Variants in DPP6 observed in about 807,000 individuals in gnomAD.
DPP6 encodes dipeptidyl peptidase like 6, also known as A-type potassium channel modulatory protein DPP6.
A neutral mutation model predicts 122.6 loss-of-function variants in DPP6; 69 were observed. That is an observed-to-expected ratio of 0.56 (90% confidence interval 0.46 to 0.69). The LOEUF is 0.69. DPP6 is among the 30% of genes least tolerant of loss of function. The probability of loss-of-function intolerance (pLI) is 0.00; values close to 1 mark genes in which losing one functional copy is unlikely to be tolerated. For synonymous variants in DPP6, 418 were observed against 433.1 expected (o/e 0.97, Z 0.43); for missense variants, 928 against 1,116.9 (o/e 0.83, Z 2.41).
intron 1 of DPP6, among the ~76,000 whole-genome samples, chr7:154,373,799 C>T (rs192516878): frequency 6.6e-6 from 1 of 152,256 alleles, no homozygotes; most frequent in East Asian, 1.9e-4. Flanking sequence ...TCCCTCCTCC[C>T]GCAGCCCCTG....
chr7:153,859,668 C>T, the DPP6 span, among the ~76,000 whole-genome samples: 22 of 152,274 alleles, frequency 1.4e-4, 1 homozygote, highest in Admixed American at 1.0e-3. Flanking sequence ...TCCGTTCCTA[C>T]GCTGCTATGA....
the DPP6 span, among the ~76,000 whole-genome samples, chr7:153,812,739 C>T: frequency 6.6e-6 from 1 of 152,256 alleles, no homozygotes; most frequent in African/African-American, 2.4e-5. Flanking sequence ...TTGACTCAGG[C>T]ATTGAAGTAG....
rs939021106 is a variant in DPP6 at position 153,887,804 on chromosome 7, C to T, written c.51+70C>T. On this transcript the variant is annotated intron_variant, in intron 1 of 25. Transcript: ENST00000404039. The stretch of plus-strand genomic sequence containing the variant: ...CGTGAGGAGCGATGCTGGGGGAGGT[C>T]TGTCCTTCTCAGTCCCGAACCTCCC... 10 of 1,548,106 alleles carry T rather than the reference C, an allele frequency of 6.5e-6. No homozygotes were observed. The African/African-American group carries it at 1.2e-4, about 19-fold the overall frequency.
chr7:154,438,430 A>T (rs1819066840), intron 1 of DPP6, among the ~76,000 whole-genome samples: 2 of 127,782 alleles, frequency 1.6e-5, no homozygotes, highest in Admixed American at 1.0e-4. Flanking sequence ...AGATAGCACC[A>T]CTGCACTCCA....
chr7:154,786,378 A>T (rs556826039), intron 10 of DPP6, among the ~76,000 whole-genome samples: 1 of 152,246 alleles, frequency 6.6e-6, no homozygotes, highest in South Asian at 2.1e-4. Context: ...CCCCACCCAA[A>T]TCTCATCTTG....
At chr7:154,858,083 A>G (rs1584910939) in intron 17 of DPP6, 1 of 147,742 alleles carries the variant, frequency 6.8e-6, no homozygotes, top group Non-Finnish European at 1.5e-5. Flanking sequence ...TGTTCTGATC[A>G]GGGGGCCAGA....
intron 1 of DPP6, among the ~76,000 whole-genome samples, chr7:154,332,434 G>A (rs1809031845): frequency 6.6e-6 from 1 of 152,236 alleles, no homozygotes; most frequent in African/African-American, 2.4e-5. Context: ...TACAGATGCT[G>A]CTTCAGCTGG....
At chr7:153,801,523 G>A in the DPP6 span, among the ~76,000 whole-genome samples, 1 of 152,158 alleles carries the variant, frequency 6.6e-6, no homozygotes. Flanking sequence ...GCACAAGAGG[G>A]AAATCCTCAG....
intron 1 of DPP6, among the ~76,000 whole-genome samples, chr7:154,301,297 T>C (rs1805881832): frequency 6.6e-6 from 1 of 152,164 alleles, no homozygotes; most frequent in Admixed American, 6.5e-5. Flanking sequence ...CAAGTCAGTA[T>C]TCATTGAGCA....
chr7:154,544,563 AAAC>A (rs1225083877), intron 4 of DPP6, among the ~76,000 whole-genome samples: 1 of 152,168 alleles, frequency 6.6e-6, no homozygotes, highest in Non-Finnish European at 1.5e-5. Flanking sequence ...AGTTTTCCAG[AAAC>A]ATCCATGTGA....
the DPP6 span, among the ~76,000 whole-genome samples, chr7:153,804,084 CTG>C: frequency 1.3e-5 from 2 of 150,064 alleles, no homozygotes; most frequent in Non-Finnish European, 2.9e-5. Flanking sequence ...GAGTCTTACT[CTG>C]TTGCTCAGGC....
chr7:154,441,192 C>T (rs1306584180), intron 1 of DPP6, among the ~76,000 whole-genome samples: 3 of 152,160 alleles, frequency 2.0e-5, no homozygotes, highest in African/African-American at 7.2e-5. Context: ...GATTTCCCCT[C>T]ATTAAAGCTC....
chr7:153,840,550 C>T, the DPP6 span, among the ~76,000 whole-genome samples: 1 of 151,868 alleles, frequency 6.6e-6, no homozygotes, highest in Non-Finnish European at 1.5e-5. Flanking sequence ...AATACTTATT[C>T]ACTAAATCAA....
chr7:153,830,123 T>C, the DPP6 span, among the ~76,000 whole-genome samples: 1 of 152,244 alleles, frequency 6.6e-6, no homozygotes, highest in Non-Finnish European at 1.5e-5. Context: ...GTCTCCTGGT[T>C]ACAGCTTTAA....
intron 4 of DPP6, among the ~76,000 whole-genome samples, chr7:154,555,119 A>G (rs1226647845): frequency 6.6e-6 from 1 of 152,200 alleles, no homozygotes; most frequent in African/African-American, 2.4e-5. Context: ...CACCATCACC[A>G]TTAATATTTA....
chr7:154,734,341 C>T (rs1158151937), intron 8 of DPP6, among the ~76,000 whole-genome samples: 2 of 152,174 alleles, frequency 1.3e-5, no homozygotes, highest in East Asian at 1.9e-4. Flanking sequence ...CTTACAGAAG[C>T]CCCCTGGAGT....
At chr7:153,976,186 G>C (rs1365337551) in intron 1 of DPP6, among the ~76,000 whole-genome samples, 5 of 152,138 alleles carry the variant, frequency 3.3e-5, no homozygotes, top group Non-Finnish European at 7.3e-5. Context: ...AATAAAAGAA[G>C]TCTGTATTGA....
intron 1 of DPP6, among the ~76,000 whole-genome samples, chr7:154,077,203 G>A (rs1362007403): frequency 6.6e-6 from 1 of 152,116 alleles, no homozygotes; most frequent in African/African-American, 2.4e-5. Flanking sequence ...TGTAGTGATT[G>A]TAACTCTGTA....
At chr7:154,725,540 G>A (rs1842023748) in intron 7 of DPP6, among the ~76,000 whole-genome samples, 1 of 152,110 alleles carries the variant, frequency 6.6e-6, no homozygotes, top group South Asian at 2.1e-4. Flanking sequence ...CTATCAAGAA[G>A]AGCAAGGGGA....
Sources: allele counts gnomAD v4.1 joint callset (sites outside exome capture counted in the v4.1 genomes callset), GRCh38; gene constraint gnomAD v4.1.1; transcripts MANE v1.5; gene names NCBI Gene and HGNC (gene_info 2026-07-23, HGNC 2026-07-21).